Variants in GPC5 observed in about 807,000 individuals in gnomAD.
GPC5 encodes glypican-5.
GPC5 carries 47 observed loss-of-function variants against 53.9 expected under a neutral mutation model. The observed-to-expected ratio is 0.87, with a 90% confidence interval of 0.69 to 1.11. The LOEUF is 1.11. GPC5 is among the 50% of genes most tolerant of loss of function. The pLI is 0.00. For missense variants in GPC5, 748 were observed against 713.1 expected, an observed-to-expected ratio of 1.05 and a Z score of -0.56; for synonymous variants, 286 against 263.3, an observed-to-expected ratio of 1.09 and a Z score of -0.84.
At chr13:91,903,450 C>T (rs1156554168) in intron 5 of GPC5, among the ~76,000 whole-genome samples, 4 of 152,008 alleles carry the variant, frequency 2.6e-5, no homozygotes, top group South Asian at 4.1e-4. Flanking sequence ...TGGTGGTTTC[C>T]GTCAGTTTAC....
chr13:91,572,210 C>CAT (rs2031937117), intron 2 of GPC5, among the ~76,000 whole-genome samples: 1 of 83,850 alleles, frequency 1.2e-5, no homozygotes, highest in Non-Finnish European at 2.6e-5. Flanking sequence ...TGTATATATA[C>CAT]GTGTATATAT....
intron 7 of GPC5, among the ~76,000 whole-genome samples, chr13:92,482,243 G>A (rs9561068): frequency 1.3e-5 from 2 of 151,898 alleles, no homozygotes; most frequent in African/African-American, 4.8e-5. Flanking sequence ...CATTTCAAAC[G>A]TGTCTTATGT....
At chr13:91,943,318 A>G (rs1854734) in intron 6 of GPC5, among the ~76,000 whole-genome samples, 70,265 of 151,830 alleles carry the variant, frequency 0.46, 17,295 homozygotes, top group East Asian at 0.74. Flanking sequence ...TATTTTGGCA[A>G]TTTTAAGAAA....
At chr13:92,106,506 A>T (rs2041511334) in intron 6 of GPC5, among the ~76,000 whole-genome samples, 1 of 152,080 alleles carries the variant, frequency 6.6e-6, no homozygotes, top group Non-Finnish European at 1.5e-5. Flanking sequence ...TGCTTAAGAC[A>T]ATTTTATATA....
At chr13:91,621,560 CT>C (rs1286376174) in intron 2 of GPC5, among the ~76,000 whole-genome samples, 1 of 151,834 alleles carries the variant, frequency 6.6e-6, no homozygotes, top group Non-Finnish European at 1.5e-5. Context: ...TCTGGAGGTC[CT>C]GATAGTCATT....
At position 91,888,559 on chromosome 13, in the gene GPC5, T is replaced by C. The variant is rs1356343855; in HGVS notation, c.1281-19378T>C. The stretch of plus-strand genomic sequence containing the variant: ...TCTGCTAAGGTAAAGTGGAGACTTC[T>C]AGTATCTTGTCTGGCTTATTGTACA... On this transcript the variant is annotated intron_variant, in intron 5 of 7. Transcript: ENST00000377067. Among the ~76,000 whole-genome samples the C allele has an allele frequency of 1.3e-5, 2 of 152,304 alleles. 1 individual carries two copies. The highest frequency in any genetic ancestry group is 1.3e-4 in the Admixed American group (2 of 15,288).
chr13:92,713,110 CACTT>C (rs1372310290), intron 7 of GPC5, among the ~76,000 whole-genome samples: 1 of 152,198 alleles, frequency 6.6e-6, no homozygotes, highest in South Asian at 2.1e-4. Flanking sequence ...AGTAAACACA[CACTT>C]ACACACACAT....
intron 7 of GPC5, chr13:92,701,542 A>G (rs1887739775): frequency 6.6e-6 from 1 of 152,170 alleles, no homozygotes; most frequent in Non-Finnish European, 1.5e-5. Context: ...CATACATGGC[A>G]GTGAAGGAGC....
Position 91,572,122 on chromosome 13 carries a change from C to CGT in GPC5, c.326-121060_326-121059dup, listed in dbSNP as rs1555326054. 3.4e-5 allele frequency among the ~76,000 whole-genome samples: 4 copies of CGT among 119,052 alleles called. 1 individual carries two copies. Among genetic ancestry groups the CGT allele is most frequent in the Admixed American group, 1.6e-4 (2 of 12,238 alleles). The allele number at this position is 119,052 out of a possible 152,430, so 78.1% of individuals were successfully genotyped here. On this transcript the variant is annotated intron_variant, in intron 2 of 7. Transcript: ENST00000377067. ...GTGTATATACACACATGTATATATA[C>CGT]GTGTGTATATACACATATGTATATA...
intron 1 of GPC5, among the ~76,000 whole-genome samples, chr13:91,445,184 A>C (rs2139081947): frequency 6.6e-6 from 1 of 152,156 alleles, no homozygotes; most frequent in Non-Finnish European, 1.5e-5. Flanking sequence ...TCACCTTTTC[A>C]CTTAAGCGAA....
At chr13:91,580,099 G>A (rs2032301587) in intron 2 of GPC5, among the ~76,000 whole-genome samples, 2 of 152,168 alleles carry the variant, frequency 1.3e-5, no homozygotes, top group African/African-American at 2.4e-5. Context: ...CACCCAGGCT[G>A]GAGTCCAGTG....
At chr13:91,448,500 A>G (rs766286510) in intron 1 of GPC5, among the ~76,000 whole-genome samples, 6 of 152,204 alleles carry the variant, frequency 3.9e-5, no homozygotes, top group Non-Finnish European at 8.8e-5. Flanking sequence ...ATAGTAGTTA[A>G]TTTGCTTTCT....
intron 7 of GPC5, among the ~76,000 whole-genome samples, chr13:92,174,493 C>T (rs1421725745): frequency 1.3e-5 from 2 of 151,418 alleles, no homozygotes; most frequent in African/African-American, 2.4e-5. Flanking sequence ...AGAGATCGCA[C>T]CACTGCATTC....
chr13:91,655,119 A>G (rs867468280), intron 2 of GPC5, among the ~76,000 whole-genome samples: 1 of 152,094 alleles, frequency 6.6e-6, no homozygotes, highest in Non-Finnish European at 1.5e-5. Context: ...GTAAGTGACA[A>G]TTTTTACATA....
At chr13:92,381,899 TC>T (rs1384276742) in intron 7 of GPC5, among the ~76,000 whole-genome samples, 20 of 128,618 alleles carry the variant, frequency 1.6e-4, no homozygotes, top group Non-Finnish European at 2.6e-4. Flanking sequence ...TTATATATAA[TC>T]ATATATATGA....
At chr13:92,652,653 G>A (rs1885994397) in intron 7 of GPC5, among the ~76,000 whole-genome samples, 1 of 152,082 alleles carries the variant, frequency 6.6e-6, no homozygotes, top group Non-Finnish European at 1.5e-5. Context: ...CCTCTAAAAT[G>A]AGGACAGTAT....
intron 7 of GPC5, among the ~76,000 whole-genome samples, chr13:92,227,165 C>T (rs1454295077): frequency 2.0e-5 from 3 of 152,098 alleles, no homozygotes; most frequent in Non-Finnish European, 2.9e-5. Context: ...TCTCTGGACA[C>T]GGAAATACCA....
rs1283426444 is a variant in GPC5, at chr13:92,527,257, AAG to A, written c.1562-339023_1562-339022del. Among the ~76,000 whole-genome samples, 150 of 91,022 alleles carry A rather than the reference AAG, an allele frequency of 1.6e-3. 14 individuals are homozygous for A. The highest frequency in any genetic ancestry group is 8.7e-3 in the African/African-American group (144 of 16,484). 59.7% of individuals were successfully genotyped at this position (91,022 alleles called of 152,430 possible). ...AGAAAGAAAGAAAGAAAGAGAAAGA[AAG>A]AAAGAAAGAAAGAAAGAAAGAAAAA... On this transcript the variant is annotated intron_variant, in intron 7 of 7. Transcript: ENST00000377067.
rs147006485 is a variant in GPC5, at chr13:92,293,770, G to A, written c.1561+148781G>A. On this transcript the variant is annotated intron_variant, in intron 7 of 7. Transcript: ENST00000377067. ...GAGTGGGCATCCTTGTCTTGTTCCAGTTATCAGAGGGAATGGTTTCAACTT... is the reference window on the plus strand; with the variant it reads ...GAGTGGGCATCCTTGTCTTGTTCCAATTATCAGAGGGAATGGTTTCAACTT... 1.9e-3 allele frequency among the ~76,000 whole-genome samples: 292 copies of A among 152,170 alleles called. 2 individuals are homozygous for A. The highest frequency in any genetic ancestry group is 6.7e-3 in the African/African-American group (280 of 41,508).
Sources: gnomAD v4.1 joint callset for allele counts (sites outside exome capture counted in the v4.1 genomes callset) on GRCh38, gnomAD v4.1.1 for gene constraint, MANE v1.5 for transcripts, NCBI Gene and HGNC (gene_info 2026-07-23, HGNC 2026-07-21) for gene names.